UNC13C: variants seen among roughly 807,000 people sequenced by gnomAD.
The protein encoded by UNC13C is protein unc-13 homolog C.
UNC13C carries 174 observed loss-of-function variants against 245.4 expected under a neutral mutation model. The observed-to-expected ratio is 0.71, with a 90% CI of 0.63 to 0.80. The LOEUF (loss-of-function observed/expected upper bound fraction) is 0.80. Ranked by LOEUF, UNC13C falls within the 30% of genes least tolerant of loss-of-function variation. The pLI, the probability that UNC13C is intolerant of heterozygous loss-of-function variation, is 0.00. For synonymous variants in UNC13C, 992 were observed against 895.1 expected (o/e 1.11, Z -1.93); for missense variants, 2,829 against 2,602.9 (o/e 1.09, Z -1.89).
chr15:54,606,912 T>C (rs1899796831), intron 30 of UNC13C, among the ~76,000 whole-genome samples: 1 of 152,158 alleles, frequency 6.6e-6, no homozygotes, highest in African/African-American at 2.4e-5. Flanking sequence ...ATTGGAAATA[T>C]ATGTATTTTG....
chr15:54,169,861 C>A (rs899995165), intron 4 of UNC13C, among the ~76,000 whole-genome samples: 2 of 152,162 alleles, frequency 1.3e-5, no homozygotes, highest in African/African-American at 2.4e-5. Context: ...TGTCTCAGAG[C>A]AGCTGGTTCT....
chr15:54,597,679 A>C (rs1311578877), intron 30 of UNC13C, among the ~76,000 whole-genome samples: 1 of 152,240 alleles, frequency 6.6e-6, no homozygotes, highest in African/African-American at 2.4e-5. Flanking sequence ...AGAACTTAAA[A>C]TATTTGAGTA....
chr15:54,371,580 A>T lies in UNC13C; in HGVS notation c.4714-21468A>T, dbSNP rs79750112. ...CTTTATTATAGAAAGTTTTAATGTGATATAATTAAAAGTTTTGCCATTCTG... is the reference window on the plus strand; with the variant it reads ...CTTTATTATAGAAAGTTTTAATGTGTTATAATTAAAAGTTTTGCCATTCTG... On this transcript the variant is annotated intron_variant, in intron 17 of 32. Coordinates refer to ENST00000260323, the MANE Select transcript of UNC13C (RefSeq NM_001080534.3). Among the ~76,000 whole-genome samples the T allele has an allele frequency of 3.5e-4, 54 of 152,220 alleles. No homozygotes were observed. The East Asian group carries it at 0.01, about 28-fold the overall frequency.
rs532410753 is a variant in UNC13C at position 54,079,305 on chromosome 15, G to C, written c.2983+63419G>C. 6.6e-5 allele frequency among the ~76,000 whole-genome samples: 10 copies of C among 152,112 alleles called. No homozygotes were observed. The South Asian group carries it at 8.3e-4, about 13-fold the overall frequency. On this transcript the variant is annotated intron_variant, in intron 2 of 32. Coordinates refer to ENST00000260323, the MANE Select transcript of UNC13C (RefSeq NM_001080534.3). Reference sequence around the variant, plus strand: ...ACTTTGGCTATTCTGGCATATTTTAGTTCCATATTAATTTTAATCATTTTT... The same window carrying C: ...ACTTTGGCTATTCTGGCATATTTTACTTCCATATTAATTTTAATCATTTTT...
At chr15:53,870,832 C>A in the UNC13C span, among the ~76,000 whole-genome samples, 1 of 152,168 alleles carries the variant, frequency 6.6e-6, no homozygotes, top group Non-Finnish European at 1.5e-5. Flanking sequence ...CTGGGAGAAG[C>A]AGAGTTCCTG....
At chr15:54,023,640 A>G (rs1392340089) in intron 2 of UNC13C, among the ~76,000 whole-genome samples, 1 of 152,218 alleles carries the variant, frequency 6.6e-6, no homozygotes, top group Non-Finnish European at 1.5e-5. Context: ...ATGAACAGGA[A>G]CAACAAAAAT....
chr15:54,313,957 G>T (rs1049079869), intron 13 of UNC13C, among the ~76,000 whole-genome samples: 1 of 149,230 alleles, frequency 6.7e-6, no homozygotes, highest in African/African-American at 2.5e-5. Flanking sequence ...TTAAAAAAAA[G>T]AATGAAATCT....
chr15:54,102,047 A>G (rs1457683984), intron 2 of UNC13C, among the ~76,000 whole-genome samples: 3 of 149,372 alleles, frequency 2.0e-5, no homozygotes, highest in East Asian at 2.0e-4. Context: ...ACGCCTGCCT[A>G]CTAGATCCTG....
chr15:54,007,676 A>C (rs1201430074), intron 1 of UNC13C, among the ~76,000 whole-genome samples: 1 of 152,166 alleles, frequency 6.6e-6, no homozygotes, highest in Non-Finnish European at 1.5e-5. Flanking sequence ...CTTAATACCT[A>C]TGTAATGGGT....
intron 1 of UNC13C, among the ~76,000 whole-genome samples, chr15:53,990,847 T>A (rs115064054): frequency 0.024 from 3,714 of 152,140 alleles, 161 homozygotes; most frequent in African/African-American, 0.085. Flanking sequence ...AAGTCTAAAG[T>A]GGCCAGGTGG....
chr15:54,434,108 T>A (rs1032179595), intron 19 of UNC13C, among the ~76,000 whole-genome samples: 10 of 151,942 alleles, frequency 6.6e-5, no homozygotes, highest in Non-Finnish European at 1.5e-5. Context: ...GAAATAAATT[T>A]CATGCTCATG....
intron 19 of UNC13C, among the ~76,000 whole-genome samples, chr15:54,463,885 G>A (rs992156915): frequency 3.9e-5 from 6 of 152,150 alleles, no homozygotes; most frequent in African/African-American, 1.4e-4. Flanking sequence ...CCATGGGAGG[G>A]GATGGCTGAA....
chr15:53,970,082 C>T, the UNC13C span, among the ~76,000 whole-genome samples: 1 of 150,052 alleles, frequency 6.7e-6, no homozygotes, highest in Non-Finnish European at 1.5e-5. Context: ...CAGAGTTTCA[C>T]TCTTGTTGCC....
At chr15:53,910,404 A>G in the UNC13C span, among the ~76,000 whole-genome samples, 1 of 146,140 alleles carries the variant, frequency 6.8e-6, no homozygotes, top group Non-Finnish European at 1.5e-5. Flanking sequence ...CTTATTATGT[A>G]ACCTGTTTTT....
intron 30 of UNC13C, among the ~76,000 whole-genome samples, chr15:54,618,671 C>T (rs992284767): frequency 9.9e-5 from 15 of 151,964 alleles, no homozygotes; most frequent in Admixed American, 7.9e-4. Flanking sequence ...GCAAATCTTC[C>T]GAATGTGAGG....
chr15:54,153,821 G>C (rs1035710560), intron 4 of UNC13C, among the ~76,000 whole-genome samples: 1 of 151,922 alleles, frequency 6.6e-6, no homozygotes, highest in Non-Finnish European at 1.5e-5. Context: ...TGAATGACTG[G>C]ACCCAAGGTG....
At chr15:54,310,433 T>C (rs539244605) in intron 13 of UNC13C, among the ~76,000 whole-genome samples, 2 of 151,980 alleles carry the variant, frequency 1.3e-5, no homozygotes, top group South Asian at 2.1e-4. Context: ...TCCAGTGCTT[T>C]CTTGCTATTT....
chr15:54,215,504 A>G (rs776905032), intron 4 of UNC13C, among the ~76,000 whole-genome samples: 1 of 152,128 alleles, frequency 6.6e-6, no homozygotes, highest in East Asian at 1.9e-4. Context: ...CCATGTTTCA[A>G]AGGAACAAAG....
At chr15:54,428,048 A>T (rs781021429) in intron 19 of UNC13C, among the ~76,000 whole-genome samples, 1 of 151,804 alleles carries the variant, frequency 6.6e-6, no homozygotes, top group Non-Finnish European at 1.5e-5. Flanking sequence ...TTCAGCCTAG[A>T]TGTGAATAAT....
Sources: allele counts gnomAD v4.1 joint callset (sites outside exome capture counted in the v4.1 genomes callset), GRCh38; gene constraint gnomAD v4.1.1; transcripts MANE v1.5; gene names NCBI Gene and HGNC (gene_info 2026-07-23, HGNC 2026-07-21).